The following TLN2 variants were observed in gnomAD, a reference collection of about 807,000 sequenced individuals.
TLN2 encodes the protein talin 2.
A neutral mutation model predicts 294.7 loss-of-function variants in TLN2; 118 were observed. The ratio of observed to expected loss-of-function variants is 0.40; its 90% CI spans 0.34 to 0.47. TLN2 has a LOEUF of 0.47. Ranked by LOEUF, TLN2 falls within the 20% of genes least tolerant of loss-of-function variation. The pLI, the probability that TLN2 is intolerant of heterozygous loss-of-function variation, is 0.84. For missense variants in TLN2, 3,083 were observed against 3,282.2 expected, an observed-to-expected ratio of 0.94 and a Z score of 1.48; for synonymous variants, 1,431 against 1,304.5, an observed-to-expected ratio of 1.10 and a Z score of -2.09.
intron 11 of TLN2, among the ~76,000 whole-genome samples, chr15:62,678,167 A>G (rs4775527): frequency 0.87 from 132,278 of 152,136 alleles, 59,061 homozygotes; most frequent in Non-Finnish European, 0.97. Context: ...GCTTTCTACA[A>G]TGTTAATAGC....
intron 3 of TLN2, among the ~76,000 whole-genome samples, chr15:62,634,157 G>T (rs2050169688): frequency 6.6e-6 from 1 of 152,150 alleles, no homozygotes; most frequent in African/African-American, 2.4e-5. Context: ...ACACAATTCA[G>T]CCCATAGCAG....
At chr15:62,547,409 C>T (rs1250355938) in intron 1 of TLN2, among the ~76,000 whole-genome samples, 1 of 152,180 alleles carries the variant, frequency 6.6e-6, no homozygotes, top group African/African-American at 2.4e-5. Context: ...ATTCAGTGGA[C>T]ATAGTACTGG....
At chr15:62,695,179 C>G (rs1399991728) in intron 14 of TLN2, among the ~76,000 whole-genome samples, 3 of 152,102 alleles carry the variant, frequency 2.0e-5, no homozygotes, top group Admixed American at 2.0e-4. Context: ...TTTGGGAAAC[C>G]TATCCAGACA....
intron 11 of TLN2, among the ~76,000 whole-genome samples, chr15:62,684,872 A>G (rs1356094527): frequency 6.7e-6 from 1 of 149,498 alleles, no homozygotes. Context: ...CTTATTAAGT[A>G]TCTAGTATGT....
intron 1 of TLN2, among the ~76,000 whole-genome samples, chr15:62,527,847 A>G (rs1252556926): frequency 6.6e-6 from 1 of 152,208 alleles, no homozygotes; most frequent in Non-Finnish European, 1.5e-5. Context: ...TGGAGGAATA[A>G]AGTAGTTACT....
At chr15:62,523,209 C>A (rs1375936012) in intron 1 of TLN2, among the ~76,000 whole-genome samples, 1 of 152,126 alleles carries the variant, frequency 6.6e-6, no homozygotes, top group Non-Finnish European at 1.5e-5. Context: ...GAGATAAATT[C>A]CAGAGAGAAT....
chr15:62,836,622 T>C (rs1285011566), intron 57 of TLN2, among the ~76,000 whole-genome samples: 3 of 152,174 alleles, frequency 2.0e-5, no homozygotes, highest in African/African-American at 7.2e-5. Flanking sequence ...CTGTTGCTGT[T>C]TCCCAGAGCC....
At chr15:62,575,797 A>G (rs779233225) in intron 1 of TLN2, among the ~76,000 whole-genome samples, 1 of 152,204 alleles carries the variant, frequency 6.6e-6, no homozygotes, top group African/African-American at 2.4e-5. Context: ...TACTTCATCC[A>G]CGGAAAACCA....
At chr15:62,635,251 T>A (rs185377513) in intron 3 of TLN2, among the ~76,000 whole-genome samples, 56 of 152,246 alleles carry the variant, frequency 3.7e-4, no homozygotes, top group African/African-American at 1.2e-3. Context: ...AAGGAAAAAA[T>A]TTTAGCTTAA....
chr15:62,697,612 T>G, intron 14 of TLN2, 76 bp from the exon 15 acceptor site: 6 of 1,482,720 alleles, frequency 4.0e-6, no homozygotes, highest in South Asian at 1.3e-5. Context: ...GGAACATACG[T>G]GACATCTGTG....
intron 1 of TLN2, among the ~76,000 whole-genome samples, chr15:62,535,276 C>G (rs1051129003): frequency 6.6e-6 from 1 of 152,046 alleles, no homozygotes; most frequent in Non-Finnish European, 1.5e-5. Flanking sequence ...ACTCAGAAAC[C>G]TCCCCAGCAC....
intron 3 of TLN2, among the ~76,000 whole-genome samples, chr15:62,620,719 C>T (rs952683033): frequency 4.0e-5 from 6 of 151,634 alleles, no homozygotes; most frequent in Admixed American, 6.6e-5. Context: ...TGGGCTCAAG[C>T]GATCCTCCCA....
At chr15:62,416,792 CCTAGAAGACCGGG>C (rs1489184510) in intron 1 of TLN2, among the ~76,000 whole-genome samples, 2 of 152,122 alleles carry the variant, frequency 1.3e-5, no homozygotes, top group African/African-American at 4.8e-5. Flanking sequence ...CATGAAGGCT[CCTAGAAGACCGGG>C]CTCTGCCTGC....
intron 45 of TLN2, chr15:62,784,298 A>C (rs1322018307): frequency 6.7e-6 from 2 of 298,372 alleles, no homozygotes; most frequent in Non-Finnish European, 1.2e-5. Context: ...TGAAAGATTC[A>C]AGTATGAAAA....
chr15:62,612,115 C>T (rs551151233), intron 2 of TLN2, among the ~76,000 whole-genome samples: 2 of 152,302 alleles, frequency 1.3e-5, no homozygotes, highest in Non-Finnish European at 2.9e-5. Flanking sequence ...CTGCCCACCT[C>T]AGCTTAGTTC....
At chr15:62,772,066 C>A (rs971948973) in intron 42 of TLN2, among the ~76,000 whole-genome samples, 3 of 151,796 alleles carry the variant, frequency 2.0e-5, no homozygotes, top group Non-Finnish European at 2.9e-5. Context: ...TAGCTGGGGC[C>A]ACAAGCACAT....
chr15:62,667,749 C>T (rs971510189), intron 9 of TLN2, among the ~76,000 whole-genome samples: 3 of 152,166 alleles, frequency 2.0e-5, no homozygotes, highest in Admixed American at 6.5e-5. Context: ...TTGTAACTTA[C>T]GGTCAGACTA....
chr15:62,408,184 A>C (rs184188385), intron 1 of TLN2, among the ~76,000 whole-genome samples: 3,427 of 152,222 alleles, frequency 0.023, 133 homozygotes, highest in African/African-American at 0.078. Flanking sequence ...GTGGGAGGTA[A>C]ACTGAGAGGG....
At chr15:62,410,453 C>G (rs1438909900) in intron 1 of TLN2, among the ~76,000 whole-genome samples, 7 of 152,046 alleles carry the variant, frequency 4.6e-5, no homozygotes, top group Non-Finnish European at 8.8e-5. Context: ...CTTTAATAAA[C>G]CTGATTTTAA....
Sources: gnomAD v4.1 joint callset for allele counts (sites outside exome capture counted in the v4.1 genomes callset) on GRCh38, gnomAD v4.1.1 for gene constraint, MANE v1.5 for transcripts, NCBI Gene and HGNC (gene_info 2026-07-23, HGNC 2026-07-21) for gene names.